ELAC1: variants seen among roughly 807,000 people sequenced by gnomAD.
ELAC1 encodes elaC ribonuclease Z 1.
A neutral mutation model predicts 25.8 loss-of-function variants in ELAC1; 19 were observed. The observed-to-expected ratio is 0.74, with a 90% CI of 0.51 to 1.08. ELAC1 has a LOEUF of 1.08. Ranked by LOEUF, ELAC1 falls within the 50% of genes least tolerant of loss-of-function variation. The probability of loss-of-function intolerance (pLI) is 0.00; values close to 1 mark genes in which losing one functional copy is unlikely to be tolerated. For missense variants in ELAC1, 403 were observed against 434.6 expected (o/e 0.93, Z 0.65); for synonymous variants, 148 against 160.9 (o/e 0.92, Z 0.61).
rs1229505759 is a variant in ELAC1, at chr18:50,972,607, G to C, written c.-8-1790G>C. 4.6e-5 allele frequency among the ~76,000 whole-genome samples: 7 copies of C among 152,048 alleles called. No individual in the cohort carries two copies. In the East Asian group the frequency reaches 1.2e-3, roughly 25 times the overall value. ...AGCAATTCTGCTGCCTCAGCCTCCT[G>C]AAGTAGCTGGGACTACAGGTGTGCG... On this transcript the variant is annotated intron_variant, in intron 1 of 3. Coordinates refer to ENST00000269466, the MANE Select transcript of ELAC1 (RefSeq NM_018696.3).
At chr18:50,975,800 T>C (rs1907785286) in intron 2 of ELAC1, among the ~76,000 whole-genome samples, 1 of 152,118 alleles carries the variant, frequency 6.6e-6, no homozygotes, top group Non-Finnish European at 1.5e-5. Context: ...ATGTGATAAG[T>C]AGAATAATGG....
Position 50,987,744 on chromosome 18 carries a change from G to T in ELAC1, c.*659G>T, listed in dbSNP as rs1038425004. 31 of 152,314 alleles carry T rather than the reference G, an allele frequency of 2.0e-4. No individual in the cohort carries two copies. The highest frequency in any genetic ancestry group is 6.7e-4 in the African/African-American group (28 of 41,578). 9.4% of individuals were successfully genotyped at this position (152,314 alleles called of 1,614,324 possible). A position where few individuals can be genotyped will look rare whatever the true frequency, so the allele number is the denominator to read the frequency against. ...GTGACTGAGTACGGTGGTGGTAGTG[G>T]TGGTACTACTACTACTGGTATTTAG... On this transcript the variant is annotated 3_prime_UTR_variant, in exon 4 of 4. Coordinates refer to ENST00000269466, the MANE Select transcript of ELAC1 (RefSeq NM_018696.3).
In ELAC1 at chr18:50,986,932, C is replaced by T. The variant is rs1192046412; in HGVS notation, c.939C>T (p.His313=). 5 of 1,613,992 alleles carry T rather than the reference C, an allele frequency of 3.1e-6. No individual in the cohort carries two copies. Among genetic ancestry groups the T allele is most frequent in the Admixed American group, 1.7e-5 (1 of 59,986 alleles). The change falls in exon 4 of 4, where the codon CAC becomes CAT. Residue 313 remains histidine, a synonymous_variant. Coordinates refer to ENST00000269466, the MANE Select transcript of ELAC1 (RefSeq NM_018696.3). The part of the protein sequence containing the change: ...LCRAKRLVLT[H]FSQRYKPVAL... ...GTGCAAAGAGGCTGGTTCTGACTCA[C>T]TTCAGTCAGAGGTACAAACCAGTTG...
At chr18:50,978,611 G>T (rs1277892882) in intron 2 of ELAC1, among the ~76,000 whole-genome samples, 1 of 152,172 alleles carries the variant, frequency 6.6e-6, no homozygotes, top group Admixed American at 6.5e-5. Flanking sequence ...TTCAAGATGA[G>T]ATTTGGGTGG....
intron 1 of ELAC1, chr18:50,968,327 G>A (rs1016940897): frequency 6.6e-6 from 1 of 152,166 alleles, no homozygotes; most frequent in African/African-American, 2.4e-5. Flanking sequence ...AGGCCAACAC[G>A]GTCTCGTGGG....
At position 50,987,963 on chromosome 18, in the gene ELAC1, A is replaced by G. The variant is rs1168943254; in HGVS notation, c.*878A>G. 6.6e-6 allele frequency: 1 copy of G among 152,238 alleles called. No individual in the cohort carries two copies. Among genetic ancestry groups the G allele is most frequent in the East Asian group, 1.9e-4 (1 of 5,206 alleles). 9.4% of individuals were successfully genotyped at this position (152,238 alleles called of 1,614,324 possible). On this transcript the variant is annotated 3_prime_UTR_variant, in exon 4 of 4. Transcript: ENST00000269466. ...GGAATTACTAGGTAAGTCAAATCCT[A>G]AAGAGTGAATGTGTTAGAATTGCAG...
At chr18:50,971,908 GTGTGTATATATATA>G (rs949984822) in intron 1 of ELAC1, among the ~76,000 whole-genome samples, 31 of 127,250 alleles carry the variant, frequency 2.4e-4, no homozygotes, top group Admixed American at 1.2e-3. Context: ...GTGTGTGTGT[GTGTGTATATATATA>G]TATATATATA....
chr18:50,971,886 ATATGTATATATGTG>A (rs1243424948), intron 1 of ELAC1, among the ~76,000 whole-genome samples: 3 of 133,490 alleles, frequency 2.2e-5, no homozygotes, highest in African/African-American at 8.8e-5. Flanking sequence ...ATATGTATAT[ATATGTATATATGTG>A]TGTGTGTGTG....
intron 2 of ELAC1, among the ~76,000 whole-genome samples, chr18:50,976,952 C>T (rs890127432): frequency 6.6e-6 from 1 of 152,218 alleles, no homozygotes; most frequent in Non-Finnish European, 1.5e-5. Flanking sequence ...TCCAATAGGA[C>T]AGTCAAATCT....
rs1009699162 is a variant in ELAC1 at position 50,970,524 on chromosome 18, A to C, written c.-9+2410A>C. ...TGGAGGTGATAATGTAGAGTAACAC[A>C]TGAAAGGGATGTTAGCAATAACCTC... is the stretch of plus-strand genomic sequence containing the variant. On this transcript the variant is annotated intron_variant, in intron 1 of 3. Coordinates refer to ENST00000269466, the MANE Select transcript of ELAC1 (RefSeq NM_018696.3). Among the ~76,000 whole-genome samples, 4 of 152,282 alleles carry C rather than the reference A, an allele frequency of 2.6e-5. No individual in the cohort carries two copies. In the East Asian group the frequency reaches 5.8e-4, roughly 22 times the overall value.
intron 1 of ELAC1, chr18:50,969,279 A>G (rs1444189182): frequency 6.6e-6 from 1 of 152,222 alleles, no homozygotes; most frequent in Admixed American, 6.5e-5. Context: ...TTACTTGAAC[A>G]AGTCATTTGT....
intron 1 of ELAC1, among the ~76,000 whole-genome samples, chr18:50,971,631 G>A (rs1402265194): frequency 3.3e-5 from 5 of 152,010 alleles, no homozygotes; most frequent in Non-Finnish European, 7.4e-5. Context: ...CTGGGCTCAA[G>A]TGATCCTCCC....
At chr18:50,986,559 A>G in intron 3 of ELAC1, 60 bp from the exon 4 acceptor site, 1 of 1,309,110 alleles carries the variant, frequency 7.6e-7, no homozygotes, top group South Asian at 1.4e-5. Context: ...GTTAAAATAG[A>G]CTCTTGAAAA....
intron 1 of ELAC1, chr18:50,969,163 T>A (rs756507287): frequency 6.6e-6 from 1 of 152,268 alleles, no homozygotes; most frequent in Non-Finnish European, 1.5e-5. Context: ...TCTTACCCAG[T>A]TTGTCCAAAT....
chr18:50,974,650 G>T, intron 2 of ELAC1, 89 bp downstream of exon 2: 1 of 1,303,954 alleles, frequency 7.7e-7, no homozygotes, highest in Non-Finnish European at 1.1e-6. Flanking sequence ...TTTAGAAACA[G>T]CCCTGATGGT....
rs4940033 is a variant in ELAC1, at chr18:50,973,195, A to G, written c.-8-1202A>G. On this transcript the variant is annotated intron_variant, in intron 1 of 3. Coordinates refer to ENST00000269466, the MANE Select transcript of ELAC1 (RefSeq NM_018696.3). ...AGAAGAGTTACTGAAGTTTTTGTAT[A>G]TTTTATATCTAGCTGTCAGTCAAAT... Among the ~76,000 whole-genome samples, 509 of 152,164 alleles carry G rather than the reference A, an allele frequency of 3.3e-3. 6 individuals are homozygous for G. The East Asian group carries it at 0.042, about 12-fold the overall frequency.
chr18:50,982,365 G>A (rs946509566), intron 2 of ELAC1, among the ~76,000 whole-genome samples: 1 of 152,210 alleles, frequency 6.6e-6, no homozygotes, highest in Non-Finnish European at 1.5e-5. Flanking sequence ...GGGCTTGGAT[G>A]TAGTAATTCT....
intron 3 of ELAC1, chr18:50,984,918 C>T (rs978136830): frequency 4.6e-5 from 14 of 305,922 alleles, no homozygotes; most frequent in Non-Finnish European, 8.3e-5. Context: ...GGTGACAAAG[C>T]GAAACTCTGT....
intron 2 of ELAC1, among the ~76,000 whole-genome samples, chr18:50,983,218 A>G (rs1908007174): frequency 8.1e-6 from 1 of 124,006 alleles, no homozygotes. Context: ...GCTGGAGTGC[A>G]ATGGCACAAT....
Sources: allele counts gnomAD v4.1 joint callset (sites outside exome capture counted in the v4.1 genomes callset), GRCh38; gene constraint gnomAD v4.1.1; transcripts MANE v1.5; gene names NCBI Gene and HGNC (gene_info 2026-07-23, HGNC 2026-07-21).